The following FGD4 variants were observed in gnomAD, a reference collection of about 807,000 sequenced individuals.
FGD4 encodes FYVE, RhoGEF and PH domain containing 4, also known as FYVE, RhoGEF and PH domain-containing protein 4.
A neutral mutation model predicts 102.0 loss-of-function variants in FGD4; 42 were observed. The ratio of observed to expected loss-of-function variants is 0.41; its 90% CI spans 0.32 to 0.53. The LOEUF (loss-of-function observed/expected upper bound fraction) is 0.53. Ranked by LOEUF, FGD4 falls within the 20% of genes least tolerant of loss-of-function variation. The pLI is 0.21. For synonymous variants in FGD4, 380 were observed against 375.7 expected (o/e 1.01, Z -0.13); for missense variants, 902 against 1,078.2 (o/e 0.84, Z 2.29).
chr12:32,545,315 C>T (rs1024048959), intron 1 of FGD4, among the ~76,000 whole-genome samples: 3 of 152,126 alleles, frequency 2.0e-5, no homozygotes, highest in African/African-American at 7.2e-5. Context: ...CTAATGAGTT[C>T]ACAGAAACCT....
chr12:32,612,733 T>C (rs1264794842), intron 10 of FGD4, among the ~76,000 whole-genome samples: 1 of 152,202 alleles, frequency 6.6e-6, no homozygotes, highest in African/African-American at 2.4e-5. Context: ...CTTTCTAGGC[T>C]AAAAATATAT....
chr12:32,602,838 A>G (rs1232040973), intron 7 of FGD4, among the ~76,000 whole-genome samples: 3 of 152,200 alleles, frequency 2.0e-5, no homozygotes, highest in African/African-American at 4.8e-5. Flanking sequence ...TTGAAAAGGC[A>G]TATTTTAGAT....
intron 1 of FGD4, among the ~76,000 whole-genome samples, chr12:32,433,214 A>C (rs1942113598): frequency 6.6e-6 from 1 of 152,092 alleles, no homozygotes; most frequent in Admixed American, 6.6e-5. Context: ...CCAAGCTGGA[A>C]TCGAACTCCT....
intron 1 of FGD4, among the ~76,000 whole-genome samples, chr12:32,542,872 G>A (rs1942950358): frequency 6.6e-6 from 1 of 152,172 alleles, no homozygotes; most frequent in Non-Finnish European, 1.5e-5. Flanking sequence ...TGTCTAGGTT[G>A]TTTTTGGTAG....
At chr12:32,596,947 A>C (rs2136587100) in intron 4 of FGD4, among the ~76,000 whole-genome samples, 1 of 151,786 alleles carries the variant, frequency 6.6e-6, no homozygotes, top group East Asian at 1.9e-4. Context: ...AAAAAAAAAA[A>C]AACAAAAAGA....
intron 12 of FGD4, 42 bp downstream of exon 12, chr12:32,624,494 G>A: frequency 8.4e-7 from 1 of 1,197,424 alleles, no homozygotes; most frequent in Non-Finnish European, 1.2e-6. Flanking sequence ...TTTTTTTTTT[G>A]AGGCAGAGTC....
rs959630513 is a variant in FGD4 at position 32,399,787 on chromosome 12, C to G, written c.-7C>G. On this transcript the variant is annotated 5_prime_UTR_variant, in exon 1 of 17. Coordinates refer to ENST00000534526, the MANE Select transcript of FGD4 (RefSeq NM_001370298.3). The stretch of plus-strand genomic sequence containing the variant: ...GGAGTCGGGGAGCGGCGGTCGAGCC[C>G]GGCAGGATGAGCGACGAGGGCGGCT... 6.5e-7 allele frequency: 1 copy of G among 1,529,620 alleles called. No homozygotes were observed. The highest frequency in any genetic ancestry group is 1.4e-5 in the African/African-American group (1 of 71,904). The allele number at this position is 1,529,620 out of a possible 1,614,324, so 94.8% of individuals were successfully genotyped here.
intron 1 of FGD4, among the ~76,000 whole-genome samples, chr12:32,442,598 C>T (rs1394191762): frequency 7.9e-6 from 1 of 127,316 alleles, no homozygotes; most frequent in African/African-American, 3.1e-5. Flanking sequence ...GAGTTTCACT[C>T]TGTCTCCAAG....
At chr12:32,460,233 C>T (rs1943065916) in intron 1 of FGD4, among the ~76,000 whole-genome samples, 1 of 151,888 alleles carries the variant, frequency 6.6e-6, no homozygotes, top group Admixed American at 6.6e-5. Flanking sequence ...TGTTTTTGGC[C>T]AGACATGGTG....
rs188858630 is a variant in FGD4, at chr12:32,520,197, A to G, written c.167-43940A>G. The stretch of plus-strand genomic sequence containing the variant: ...TTCATGGCAGTCATTGAAACTAAGT[A>G]TGGAAGTAAACTGAGATAGATTTAC... On this transcript the variant is annotated intron_variant, in intron 1 of 16. Transcript: ENST00000534526. Among the ~76,000 whole-genome samples the G allele has an allele frequency of 4.6e-5, 7 of 152,252 alleles. No homozygotes were observed. In the East Asian group the frequency reaches 1.4e-3, roughly 29 times the overall value.
intron 14 of FGD4, among the ~76,000 whole-genome samples, chr12:32,633,054 G>A (rs1484070770): frequency 6.6e-6 from 1 of 152,080 alleles, no homozygotes; most frequent in Non-Finnish European, 1.5e-5. Context: ...ATAGATTTAA[G>A]AAATATTTAG....
At chr12:32,625,207 T>A (rs1232071237) in intron 13 of FGD4, 139 bp downstream of exon 13, 7 of 684,050 alleles carry the variant, frequency 1.0e-5, no homozygotes, top group Admixed American at 2.2e-5. Flanking sequence ...CATTCTTTCT[T>A]AGATGAACAC....
At chr12:32,598,086 G>A (rs763233426) in intron 4 of FGD4, among the ~76,000 whole-genome samples, 5 of 152,060 alleles carry the variant, frequency 3.3e-5, no homozygotes, top group African/African-American at 1.2e-4. Context: ...GAGCCACTGC[G>A]GCTGGCCTAA....
chr12:32,582,558 A>G lies in FGD4; in HGVS notation c.1011+91A>G, dbSNP rs1333278103. ...TTTATTTATTGCACCCCTGAAATGT[A>G]TGAATCAGATCACCCACACTGGCAG... On this transcript the variant is annotated intron_variant, in intron 4 of 16. Coordinates refer to ENST00000534526, the MANE Select transcript of FGD4 (RefSeq NM_001370298.3). The G allele has an allele frequency of 9.2e-6, 14 of 1,524,008 alleles. No homozygotes were observed. In the East Asian group the frequency reaches 2.8e-4, roughly 30 times the overall value. 94.4% of individuals were successfully genotyped at this position (1,524,008 alleles called of 1,614,324 possible). A position where few individuals can be genotyped will look rare whatever the true frequency, so the allele number is the denominator to read the frequency against.
At chr12:32,431,182 T>C (rs1442734051) in intron 1 of FGD4, among the ~76,000 whole-genome samples, 3 of 152,208 alleles carry the variant, frequency 2.0e-5, no homozygotes, top group Non-Finnish European at 4.4e-5. Context: ...TGTCATCATA[T>C]AATGTCATGA....
chr12:32,399,798 G>A lies in FGD4; in HGVS notation c.5G>A (p.Ser2Asn). 6.5e-7 allele frequency: 1 copy of A among 1,530,618 alleles called. No homozygotes were observed. The highest frequency in any genetic ancestry group is 8.7e-7 in the Non-Finnish European group (1 of 1,145,206). The allele number at this position is 1,530,618 out of a possible 1,614,324, so 94.8% of individuals were successfully genotyped here. Residue 2 changes from serine (S) to asparagine (N), a missense_variant, in exon 1 of 17, where the codon AGC becomes AAC. Ser to Asn is a conservative substitution (Grantham distance 46). Coordinates refer to ENST00000534526, the MANE Select transcript of FGD4 (RefSeq NM_001370298.3). MSDEGGSNFRRV... is the reference protein window; with the variant it reads MNDEGGSNFRRV... ...GCGGCGGTCGAGCCCGGCAGGATGAGCGACGAGGGCGGCTCCAACTTCAGG... is the reference window on the plus strand; with the variant it reads ...GCGGCGGTCGAGCCCGGCAGGATGAACGACGAGGGCGGCTCCAACTTCAGG...
chr12:32,633,143 T>G (rs1464715054), intron 14 of FGD4, among the ~76,000 whole-genome samples: 1 of 152,150 alleles, frequency 6.6e-6, no homozygotes, highest in African/African-American at 2.4e-5. Context: ...GACTCCTATG[T>G]GTCTGACACA....
chr12:32,444,578 T>A (rs1293586318), intron 1 of FGD4, among the ~76,000 whole-genome samples: 1 of 152,030 alleles, frequency 6.6e-6, no homozygotes, highest in Non-Finnish European at 1.5e-5. Context: ...CTAATTTTTG[T>A]ATTTTTAGTA....
intron 1 of FGD4, among the ~76,000 whole-genome samples, chr12:32,528,212 C>T (rs1941449174): frequency 2.0e-5 from 3 of 152,196 alleles, no homozygotes; most frequent in African/African-American, 7.2e-5. Context: ...GCTGGGATTA[C>T]AGGCGTGAGC....
Sources: gnomAD v4.1 joint callset for allele counts (sites outside exome capture counted in the v4.1 genomes callset) on GRCh38, gnomAD v4.1.1 for gene constraint, MANE v1.5 for transcripts, NCBI Gene and HGNC (gene_info 2026-07-23, HGNC 2026-07-21) for gene names.